KCND2: variants seen among roughly 807,000 people sequenced by gnomAD.
The protein encoded by KCND2 is potassium voltage-gated channel subfamily D member 2, also known as A-type voltage-gated potassium channel KCND2.
Under a neutral mutation model 54.4 loss-of-function variants are expected in KCND2, and 16 were observed. The observed-to-expected ratio is 0.29, with a 90% confidence interval of 0.20 to 0.45. KCND2 has a LOEUF of 0.45. Among genes scored for constraint, KCND2 ranks in the 20% least tolerant of loss-of-function variants. The pLI is 1.00. For missense variants in KCND2, 486 were observed against 824.2 expected (o/e 0.59, Z 5.02); for synonymous variants, 317 against 310.7 (o/e 1.02, Z -0.21).
At chr7:120,733,599 GTCTC>G (rs544864738) in intron 2 of KCND2, among the ~76,000 whole-genome samples, 5 of 152,088 alleles carry the variant, frequency 3.3e-5, no homozygotes, top group Non-Finnish European at 5.9e-5. Context: ...GATTCATTGA[GTCTC>G]TATCTATCAA....
intron 1 of KCND2, among the ~76,000 whole-genome samples, chr7:120,431,685 A>G (rs1227461493): frequency 6.6e-6 from 1 of 152,182 alleles, no homozygotes; most frequent in Non-Finnish European, 1.5e-5. Flanking sequence ...CCTAAGATGC[A>G]TATTAACCAT....
intron 1 of KCND2, among the ~76,000 whole-genome samples, chr7:120,309,537 C>A (rs1261580657): frequency 2.1e-5 from 3 of 141,190 alleles, no homozygotes; most frequent in African/African-American, 5.1e-5. Context: ...TAGTTGAAAA[C>A]ACACCCCCCA....
chr7:120,601,828 C>G (rs955535417), intron 1 of KCND2, among the ~76,000 whole-genome samples: 14 of 152,154 alleles, frequency 9.2e-5, no homozygotes, highest in African/African-American at 3.1e-4. Flanking sequence ...CCACACTGAA[C>G]TACACTATCC....
chr7:120,377,197 C>T (rs1563026547), intron 1 of KCND2, among the ~76,000 whole-genome samples: 1 of 151,788 alleles, frequency 6.6e-6, no homozygotes, highest in African/African-American at 2.4e-5. Context: ...TGACTTAACT[C>T]CTTCTGAGGA....
chr7:120,394,531 G>A (rs191055912), intron 1 of KCND2, among the ~76,000 whole-genome samples: 10 of 152,100 alleles, frequency 6.6e-5, no homozygotes, highest in Admixed American at 5.9e-4. Flanking sequence ...CTATATTTTA[G>A]CAGACCTTCA....
rs563796704 is a variant in KCND2, at chr7:120,359,277, T to C, written c.1115+83530T>C. ...AAAGAAGGCACCCTTCCTCTCTTCA[T>C]AACAAAACTTATTCTGTATATGTAA... On this transcript the variant is annotated intron_variant, in intron 1 of 5. Coordinates refer to ENST00000331113, the MANE Select transcript of KCND2 (RefSeq NM_012281.3). Among the ~76,000 whole-genome samples, 6 of 152,278 alleles carry C rather than the reference T, an allele frequency of 3.9e-5. No individual in the cohort carries two copies. In the East Asian group the frequency reaches 1.2e-3, roughly 29 times the overall value.
At chr7:120,287,129 T>G in intron 1 of KCND2, among the ~76,000 whole-genome samples, 1 of 152,118 alleles carries the variant, frequency 6.6e-6, no homozygotes, top group East Asian at 1.9e-4. Flanking sequence ...TAATGAAGTG[T>G]GGCTGCACCA....
intron 1 of KCND2, among the ~76,000 whole-genome samples, chr7:120,284,316 C>T (rs1421797530): frequency 6.6e-6 from 1 of 152,012 alleles, no homozygotes; most frequent in African/African-American, 2.4e-5. Flanking sequence ...CACGCGCGCA[C>T]ACTCCAACCA....
At chr7:120,359,556 C>T (rs535750168) in intron 1 of KCND2, among the ~76,000 whole-genome samples, 5 of 152,192 alleles carry the variant, frequency 3.3e-5, no homozygotes, top group South Asian at 2.1e-4. Context: ...TGTAGTTCCT[C>T]GTTATTCCCT....
intron 1 of KCND2, among the ~76,000 whole-genome samples, chr7:120,732,426 C>A (rs910391942): frequency 2.0e-5 from 3 of 152,018 alleles, no homozygotes; most frequent in African/African-American, 7.2e-5. Flanking sequence ...TAATGGGGAC[C>A]TTGAAAAGTT....
chr7:120,629,988 G>A (rs1793213032), intron 1 of KCND2, among the ~76,000 whole-genome samples: 1 of 152,156 alleles, frequency 6.6e-6, no homozygotes, highest in South Asian at 2.1e-4. Context: ...AGAAATTGAG[G>A]CTGGAGTTAT....
intron 1 of KCND2, among the ~76,000 whole-genome samples, chr7:120,491,529 C>T (rs1054848995): frequency 2.0e-5 from 3 of 151,956 alleles, no homozygotes. Context: ...TTTACCTAGG[C>T]TGATGAAGAT....
intron 1 of KCND2, among the ~76,000 whole-genome samples, chr7:120,541,766 A>G (rs887934316): frequency 2.0e-5 from 3 of 152,150 alleles, no homozygotes; most frequent in Non-Finnish European, 4.4e-5. Context: ...TCAGCTCAGG[A>G]TCAAAGAGAA....
chr7:120,291,869 T>C (rs1002081876), intron 1 of KCND2, among the ~76,000 whole-genome samples: 1 of 151,910 alleles, frequency 6.6e-6, no homozygotes, highest in Non-Finnish European at 1.5e-5. Flanking sequence ...AAATTAGAGC[T>C]CAAGGAACAT....
chr7:120,650,165 C>T (rs1791711521), intron 1 of KCND2, among the ~76,000 whole-genome samples: 1 of 146,240 alleles, frequency 6.8e-6, no homozygotes, highest in Non-Finnish European at 1.5e-5. Context: ...GTTGGCTTGC[C>T]TTGCTAGGTT....
intron 1 of KCND2, among the ~76,000 whole-genome samples, chr7:120,585,651 A>T (rs1792588875): frequency 6.6e-6 from 1 of 152,158 alleles, no homozygotes; most frequent in Admixed American, 6.5e-5. Flanking sequence ...GGCAGGTGTC[A>T]TCCATATAAA....
At chr7:120,737,194 T>G (rs563940951) in intron 2 of KCND2, among the ~76,000 whole-genome samples, 3 of 152,100 alleles carry the variant, frequency 2.0e-5, no homozygotes, top group Non-Finnish European at 2.9e-5. Flanking sequence ...CAGGTGATGC[T>G]GATATTGCTG....
At chr7:120,368,320 GTTTC>G (rs1800716438) in intron 1 of KCND2, among the ~76,000 whole-genome samples, 2 of 151,780 alleles carry the variant, frequency 1.3e-5, no homozygotes, top group Non-Finnish European at 2.9e-5. Flanking sequence ...TTTAATGTAA[GTTTC>G]TTGGGTTTTA....
intron 1 of KCND2, among the ~76,000 whole-genome samples, chr7:120,323,163 C>A (rs1780896194): frequency 6.6e-6 from 1 of 152,038 alleles, no homozygotes; most frequent in Admixed American, 6.6e-5. Context: ...CCACCCCCGA[C>A]AGGCCCTGGT....
Sources: allele counts gnomAD v4.1 joint callset (sites outside exome capture counted in the v4.1 genomes callset), GRCh38; gene constraint gnomAD v4.1.1; transcripts MANE v1.5; gene names NCBI Gene and HGNC (gene_info 2026-07-23, HGNC 2026-07-21).